Variants in LHFPL4 observed in about 807,000 individuals in gnomAD.
LHFPL4 encodes LHFPL tetraspan subfamily member 4, also known as LHFPL tetraspan subfamily member 4 protein.
Under a neutral mutation model 20.0 loss-of-function variants are expected in LHFPL4, and 6 were observed. The ratio of observed to expected loss-of-function variants is 0.30; its 90% CI spans 0.16 to 0.59. The LOEUF (loss-of-function observed/expected upper bound fraction) is 0.59, where lower values mean the gene tolerates loss of function less well. Ranked by LOEUF, LHFPL4 falls within the 20% of genes least tolerant of loss-of-function variation. The pLI is 0.88. For missense variants in LHFPL4, 215 were observed against 331.2 expected (o/e 0.65, Z 2.72); for synonymous variants, 129 against 143.8 (o/e 0.90, Z 0.74).
At chr3:9,530,966 C>T (rs1189276167) in intron 2 of LHFPL4, among the ~76,000 whole-genome samples, 1 of 152,076 alleles carries the variant, frequency 6.6e-6, no homozygotes, top group Non-Finnish European at 1.5e-5. Context: ...CACTTAGAGG[C>T]CATAACAGGG....
intron 2 of LHFPL4, among the ~76,000 whole-genome samples, chr3:9,516,725 C>T (rs952153670): frequency 6.6e-6 from 1 of 151,576 alleles, no homozygotes; most frequent in East Asian, 1.9e-4. Context: ...CCACCCACCT[C>T]GGCCTCTCAA....
At chr3:9,516,632 C>T (rs1559516931) in intron 2 of LHFPL4, among the ~76,000 whole-genome samples, 1 of 152,076 alleles carries the variant, frequency 6.6e-6, no homozygotes, top group African/African-American at 2.4e-5. Flanking sequence ...CACCACCAAG[C>T]CTGGCTAATT....
At chr3:9,535,994 T>A (rs1032159572) in intron 2 of LHFPL4, among the ~76,000 whole-genome samples, 1 of 151,098 alleles carries the variant, frequency 6.6e-6, no homozygotes, top group African/African-American at 2.4e-5. Flanking sequence ...AGAGAGGGGG[T>A]TTCATCATGT....
chr3:9,503,308 CCACTT>C (rs2125654430), intron 3 of LHFPL4, among the ~76,000 whole-genome samples: 2 of 152,226 alleles, frequency 1.3e-5, no homozygotes, highest in South Asian at 4.1e-4. Flanking sequence ...CCGAGGGGGC[CCACTT>C]CACATCAGTC....
At chr3:9,536,085 C>A (rs552507966) in intron 2 of LHFPL4, among the ~76,000 whole-genome samples, 2 of 152,250 alleles carry the variant, frequency 1.3e-5, no homozygotes, top group East Asian at 3.9e-4. Context: ...GCGTGAGCCA[C>A]CAGGTCTGGC....
intron 2 of LHFPL4, among the ~76,000 whole-genome samples, chr3:9,532,156 G>T (rs1024030572): frequency 1.3e-5 from 2 of 151,890 alleles, no homozygotes; most frequent in African/African-American, 4.8e-5. Context: ...CTCCCGAGTA[G>T]CTGGGATTAC....
intron 2 of LHFPL4, among the ~76,000 whole-genome samples, chr3:9,533,954 C>A (rs1171969018): frequency 1.3e-5 from 2 of 151,706 alleles, no homozygotes; most frequent in African/African-American, 4.8e-5. Flanking sequence ...TGGCTCATGC[C>A]TGTAATTCCA....
intron 2 of LHFPL4, among the ~76,000 whole-genome samples, chr3:9,523,003 T>C (rs2046348480): frequency 7.4e-6 from 1 of 135,494 alleles, no homozygotes. Flanking sequence ...ATCGTGCCAC[T>C]GCACTTCAGC....
At chr3:9,546,271 C>T (rs2046511971) in intron 2 of LHFPL4, among the ~76,000 whole-genome samples, 2 of 149,158 alleles carry the variant, frequency 1.3e-5, no homozygotes, top group African/African-American at 4.9e-5. Context: ...GCTGAGATCG[C>T]ACCACTGCAC....
rs532831469 is a variant in LHFPL4, at chr3:9,499,069, G to A, written c.*3142C>T. 4.6e-5 allele frequency: 7 copies of A among 153,624 alleles called. No homozygotes were observed. In the East Asian group the frequency reaches 1.1e-3, roughly 25 times the overall value. The allele number at this position is 153,624 out of a possible 1,614,324, so 9.5% of individuals were successfully genotyped here. On this transcript the variant is annotated 3_prime_UTR_variant, in exon 4 of 4. Coordinates refer to ENST00000287585, the MANE Select transcript of LHFPL4 (RefSeq NM_198560.3). ...GGGCAATGGCAGACCCCTGATCACA[G>A]TTAGGGGGGTCACAGTTAGGGGGGG...
intron 2 of LHFPL4, among the ~76,000 whole-genome samples, chr3:9,549,237 C>T (rs1262834265): frequency 6.6e-6 from 1 of 152,136 alleles, no homozygotes; most frequent in Non-Finnish European, 1.5e-5. Flanking sequence ...GACCTAAGAT[C>T]CTTGGAGACA....
At chr3:9,549,714 G>T (rs2046540858) in intron 2 of LHFPL4, among the ~76,000 whole-genome samples, 1 of 151,924 alleles carries the variant, frequency 6.6e-6, no homozygotes, top group South Asian at 2.1e-4. Flanking sequence ...TAAAAAAAAA[G>T]TTAACAGGTA....
intron 2 of LHFPL4, among the ~76,000 whole-genome samples, chr3:9,508,429 A>G (rs1235904130): frequency 6.6e-6 from 1 of 152,248 alleles, no homozygotes; most frequent in Non-Finnish European, 1.5e-5. Flanking sequence ...TTGCAGCCAA[A>G]GGGAATGGCA....
chr3:9,537,761 C>A (rs1292294138), intron 2 of LHFPL4, among the ~76,000 whole-genome samples: 2 of 152,126 alleles, frequency 1.3e-5, no homozygotes, highest in South Asian at 4.1e-4. Context: ...CCTCCGCCCG[C>A]CCCTTAAGGT....
At position 9,502,014 on chromosome 3, in the gene LHFPL4, C is replaced by T. The variant is rs2046180045; in HGVS notation, c.*197G>A. 3 of 607,806 alleles carry T rather than the reference C, an allele frequency of 4.9e-6. No individual in the cohort carries two copies. The South Asian group carries it at 6.0e-5, about 12-fold the overall frequency. 37.7% of individuals were successfully genotyped at this position (607,806 alleles called of 1,614,324 possible). On this transcript the variant is annotated 3_prime_UTR_variant, in exon 4 of 4. Transcript: ENST00000287585. The stretch of plus-strand genomic sequence containing the variant: ...GGGAGGAGCAAGAATTAGACCCTCC[C>T]AAGGTTTGGAGGGCCTCTCCTCTCC...
At chr3:9,514,171 G>A (rs1490395838) in intron 2 of LHFPL4, among the ~76,000 whole-genome samples, 1 of 152,148 alleles carries the variant, frequency 6.6e-6, no homozygotes, top group Non-Finnish European at 1.5e-5. Flanking sequence ...GTTAGTAGTG[G>A]TGGCTCATGC....
intron 2 of LHFPL4, among the ~76,000 whole-genome samples, 169 bp downstream of exon 2, chr3:9,552,105 C>T (rs2046558824): frequency 6.6e-6 from 1 of 151,698 alleles, no homozygotes; most frequent in Middle Eastern, 3.2e-3. Flanking sequence ...AGGTGTCTCT[C>T]TGCAGCGTAC....
chr3:9,545,143 G>C (rs760382601), intron 2 of LHFPL4, among the ~76,000 whole-genome samples: 35 of 151,948 alleles, frequency 2.3e-4, no homozygotes, highest in Non-Finnish European at 4.7e-4. Flanking sequence ...AAAAGTAAAG[G>C]GAGGGAAGGA....
rs1026011002 is a variant in LHFPL4 at position 9,521,624 on chromosome 3, C to T, written c.407-15421G>A. 2.4e-4 allele frequency among the ~76,000 whole-genome samples: 37 copies of T among 151,360 alleles called. 1 individual carries two copies. The highest frequency in any genetic ancestry group is 8.6e-4 in the African/African-American group (35 of 40,816). ...TTCGCCATGTTAGCCAGGATGATCT[C>T]GATCTCCTGACTTTGTGATCTGCCT... On this transcript the variant is annotated intron_variant, in intron 2 of 3. Transcript: ENST00000287585.
Sources: allele counts gnomAD v4.1 joint callset (sites outside exome capture counted in the v4.1 genomes callset), GRCh38; gene constraint gnomAD v4.1.1; transcripts MANE v1.5; gene names NCBI Gene and HGNC (gene_info 2026-07-23, HGNC 2026-07-21).